Variants in ANKRD36C observed in about 807,000 individuals in gnomAD.
The protein encoded by ANKRD36C is ankyrin repeat domain 36C, also known as ankyrin repeat domain-containing protein 36C.
A neutral mutation model predicts 276.4 loss-of-function variants in ANKRD36C; 61 were observed. The observed-to-expected ratio is 0.22, with a 90% confidence interval of 0.18 to 0.27. The LOEUF (loss-of-function observed/expected upper bound fraction) is 0.27. ANKRD36C is among the 10% of genes least tolerant of loss of function. ANKRD36C has a pLI of 1.00. For missense variants in ANKRD36C, 1,447 were observed against 2,032.3 expected, an observed-to-expected ratio of 0.71 and a Z score of 5.54; for synonymous variants, 483 against 680.1, an observed-to-expected ratio of 0.71 and a Z score of 4.51.
At chr2:95,990,286 T>C (rs1679111640) in intron 1 of ANKRD36C, among the ~76,000 whole-genome samples, 1 of 152,232 alleles carries the variant, frequency 6.6e-6, no homozygotes, top group African/African-American at 2.4e-5. Flanking sequence ...TAATATGAAA[T>C]GTCACCATTA....
chr2:95,855,786 A>C (rs1382781374), exon 63 of ANKRD36C: 1 of 1,613,944 alleles, frequency 6.2e-7, no homozygotes, highest in South Asian at 1.1e-5. Flanking sequence ...TGTGCCCTGG[A>C]AAGCAAGCTC....
At position 95,891,820 on chromosome 2, in the gene ANKRD36C, C is replaced by A. The variant is rs750721678; in HGVS notation, c.2784+12G>T. 6.4e-7 allele frequency: 1 copy of A among 1,559,552 alleles called. No individual in the cohort carries two copies. Among genetic ancestry groups the A allele is most frequent in the South Asian group, 1.2e-5 (1 of 84,960 alleles). On this transcript the variant is annotated intron_variant, in intron 45 of 66. Coordinates refer to ENST00000456556, the Ensembl canonical transcript of ANKRD36C. ...ATTTACTAGTTCACAATATAAATGACAGTTTCATTACCTTCAAGCCTGATG... is the reference window on the plus strand; with the variant it reads ...ATTTACTAGTTCACAATATAAATGAAAGTTTCATTACCTTCAAGCCTGATG...
chr2:95,980,621 C>T (rs1278613475), intron 5 of ANKRD36C, 27 bp downstream of exon 5: 2 of 1,603,328 alleles, frequency 1.2e-6, no homozygotes. Context: ...ATTTAGTGTT[C>T]ATTAGCCTTT....
In ANKRD36C at chr2:95,953,886, A is replaced by G. The variant is rs377013528; in HGVS notation, c.1203+53T>C. ...CTGCTAAGTTTTAGAAGAAAATAAT[A>G]TAAAAAAAGAGATTCAGAGTGAGAA... On this transcript the variant is annotated intron_variant, in intron 14 of 66. Transcript: ENST00000456556. The G allele has an allele frequency of 1.9e-5, 28 of 1,446,092 alleles. No individual in the cohort carries two copies. The East Asian group carries it at 2.0e-4, about 10-fold the overall frequency. The allele number at this position is 1,446,092 out of a possible 1,614,324, so 89.6% of individuals were successfully genotyped here. A position where few individuals can be genotyped will look rare whatever the true frequency, so the allele number is the denominator to read the frequency against.
intron 24 of ANKRD36C, among the ~76,000 whole-genome samples, chr2:95,931,004 G>A (rs1238254173): frequency 2.0e-5 from 3 of 151,520 alleles, no homozygotes; most frequent in Non-Finnish European, 4.4e-5. Context: ...TACCTCACTA[G>A]CTGCTTTCTT....
At chr2:95,908,248 C>T (rs1676802192) in intron 42 of ANKRD36C, among the ~76,000 whole-genome samples, 1 of 150,230 alleles carries the variant, frequency 6.7e-6, no homozygotes, top group South Asian at 2.1e-4. Flanking sequence ...TTCCCCAGAG[C>T]CCCTTATGCC....
intron 20 of ANKRD36C, among the ~76,000 whole-genome samples, chr2:95,939,918 G>T (rs796781849): frequency 7.6e-5 from 2 of 26,162 alleles, no homozygotes; most frequent in African/African-American, 1.9e-4. Flanking sequence ...AAAAAAGTAT[G>T]CATTACACAT....
At chr2:95,974,978 T>C (rs1337647051) in intron 6 of ANKRD36C, among the ~76,000 whole-genome samples, 2 of 152,032 alleles carry the variant, frequency 1.3e-5, no homozygotes, top group Middle Eastern at 3.2e-3. Context: ...ACAAAGGACA[T>C]AAACTCATCA....
At chr2:95,917,206 T>C (rs181319159) in intron 36 of ANKRD36C, among the ~76,000 whole-genome samples, 4 of 151,770 alleles carry the variant, frequency 2.6e-5, no homozygotes, top group Admixed American at 2.0e-4. Context: ...TGAGTCAGTG[T>C]GCTTTATCCC....
At chr2:95,929,210 G>A (rs1988084) in intron 25 of ANKRD36C, 29 bp downstream of exon 25, 1 of 1,594,478 alleles carries the variant, frequency 6.3e-7, no homozygotes, top group Non-Finnish European at 8.5e-7. Flanking sequence ...ACAGTTAATA[G>A]TTCAACATAT....
exon 47 of ANKRD36C, chr2:95,889,966 C>T: frequency 6.2e-7 from 1 of 1,609,798 alleles, no homozygotes; most frequent in South Asian, 1.1e-5. Context: ...GTTTAATTAC[C>T]TTCAAGGCTG....
intron 60 of ANKRD36C, among the ~76,000 whole-genome samples, chr2:95,862,832 C>A (rs1339991712): frequency 6.6e-6 from 1 of 151,924 alleles, no homozygotes; most frequent in Non-Finnish European, 1.5e-5. Context: ...ATACAACAGA[C>A]CCCAGATCTC....
At chr2:95,989,180 CA>C (rs1469626252) in intron 1 of ANKRD36C, among the ~76,000 whole-genome samples, 2 of 152,098 alleles carry the variant, frequency 1.3e-5, no homozygotes, top group African/African-American at 2.4e-5. Context: ...AATAAACAAA[CA>C]AGCAAAGAAA....
At chr2:95,961,268 T>A (rs1457226561) in intron 8 of ANKRD36C, among the ~76,000 whole-genome samples, 1 of 152,076 alleles carries the variant, frequency 6.6e-6, no homozygotes, top group Non-Finnish European at 1.5e-5. Context: ...GGAGTCATAA[T>A]GTGCCTACAT....
intron 1 of ANKRD36C, among the ~76,000 whole-genome samples, chr2:95,988,504 G>A (rs1170646677): frequency 6.6e-6 from 1 of 152,088 alleles, no homozygotes; most frequent in Non-Finnish European, 1.5e-5. Flanking sequence ...AAGTTGTTAA[G>A]GGTGGAAGAG....
At chr2:95,908,574 C>A in intron 42 of ANKRD36C, 5 of 1,558,736 alleles carry the variant, frequency 3.2e-6, no homozygotes, top group Non-Finnish European at 4.4e-6. Flanking sequence ...TCTCTTGTAG[C>A]CTGAATGGAA....
intron 10 of ANKRD36C, 97 bp downstream of exon 10, chr2:95,960,376 G>T: frequency 7.1e-7 from 1 of 1,415,952 alleles, no homozygotes; most frequent in Admixed American, 2.0e-5. Context: ...GAATCAGAAT[G>T]TGCAGCTTCA....
At chr2:95,959,379 G>A (rs1346457830) in intron 10 of ANKRD36C, among the ~76,000 whole-genome samples, 1 of 152,270 alleles carries the variant, frequency 6.6e-6, no homozygotes, top group Admixed American at 6.5e-5. Context: ...CCGCTGTGGA[G>A]TCATAATGTG....
chr2:95,991,703 A>G (rs1679147437), exon 1 of ANKRD36C: 1 of 1,612,936 alleles, frequency 6.2e-7, no homozygotes, highest in Non-Finnish European at 8.5e-7. Flanking sequence ...GCTCCTTGTC[A>G]TCCATAATGG....
Sources: gnomAD v4.1 joint callset for allele counts (sites outside exome capture counted in the v4.1 genomes callset) on GRCh38, gnomAD v4.1.1 for gene constraint, MANE v1.5 for transcripts, NCBI Gene and HGNC (gene_info 2026-07-23, HGNC 2026-07-21) for gene names.